The following TMEM181 variants were observed in gnomAD, a reference collection of about 807,000 sequenced individuals.
The protein encoded by TMEM181 is transmembrane protein 181, also known as G protein-coupled receptor 178.
Under a neutral mutation model 71.9 loss-of-function variants are expected in TMEM181, and 39 were observed. That is an observed-to-expected ratio of 0.54 (90% confidence interval 0.42 to 0.71). The LOEUF is 0.71. Among genes scored for constraint, TMEM181 ranks in the 30% least tolerant of loss-of-function variants. The pLI is 0.00. For synonymous variants in TMEM181, 245 were observed against 228.8 expected, an observed-to-expected ratio of 1.07 and a Z score of -0.64; for missense variants, 595 against 583.0, an observed-to-expected ratio of 1.02 and a Z score of -0.21.
chr6:158,629,607 C>T (rs922947303), intron 14 of TMEM181, 123 bp from the exon 15 acceptor site: 27 of 775,708 alleles, frequency 3.5e-5, no homozygotes, highest in Non-Finnish European at 5.5e-5. Flanking sequence ...TAATGGACCC[C>T]CGGGCACTGG....
At position 158,608,728 on chromosome 6, in the gene TMEM181, G is replaced by T. The variant is rs753090759; in HGVS notation, c.874G>T (p.Val292Phe). The T allele has an allele frequency of 1.9e-6, 3 of 1,613,358 alleles. No individual in the cohort carries two copies. The East Asian group carries it at 6.7e-5, about 36-fold the overall frequency. The change falls in exon 10 of 17, where the codon GTT (valine) becomes TTT (phenylalanine). Residue 292 changes from valine (V) to phenylalanine (F), a missense_variant. Physicochemically the swap from Val to Phe is conservative, Grantham distance 50 (BLOSUM62 -1). Transcript: ENST00000684151. ...TGTTGGACTATTGTGGTTGGCTTCT[G>T]TTACGCTAGGAATATGGCAAACGTG... ...FIVGLLWLAS[V>F]TLGIWQTVNE... is the part of the protein sequence containing the mutation.
intron 1 of TMEM181, among the ~76,000 whole-genome samples, chr6:158,563,787 T>G (rs560321289): frequency 6.6e-6 from 1 of 152,350 alleles, no homozygotes; most frequent in Non-Finnish European, 1.5e-5. Flanking sequence ...GGTTAGGCCT[T>G]GAATGTTCAC....
intron 1 of TMEM181, among the ~76,000 whole-genome samples, chr6:158,546,946 C>T (rs531505010): frequency 1.4e-4 from 21 of 150,092 alleles, no homozygotes; most frequent in East Asian, 2.0e-4. Flanking sequence ...GGCGACACAG[C>T]GAGACTCCAT....
At chr6:158,597,904 T>TG (rs1272087400) in intron 6 of TMEM181, among the ~76,000 whole-genome samples, 1 of 152,132 alleles carries the variant, frequency 6.6e-6, no homozygotes, top group Non-Finnish European at 1.5e-5. Flanking sequence ...ACCACCATAA[T>TG]GGGGGCTAAG....
At chr6:158,579,820 A>G (rs886541843) in intron 2 of TMEM181, among the ~76,000 whole-genome samples, 6 of 152,216 alleles carry the variant, frequency 3.9e-5, no homozygotes, top group Non-Finnish European at 8.8e-5. Context: ...AAGCCATTGG[A>G]AAAAAGATAA....
In TMEM181 at chr6:158,585,307, C is replaced by A. The variant is rs372779214; in HGVS notation, c.263C>A (p.Thr88Asn). The A allele has an allele frequency of 1.1e-5, 18 of 1,598,814 alleles. No homozygotes were observed. Among genetic ancestry groups the A allele is most frequent in the Non-Finnish European group, 1.4e-5 (16 of 1,174,582 alleles). The change falls in exon 5 of 17, where the codon ACT (threonine) becomes AAT (asparagine). Residue 88 changes from threonine to asparagine, a missense_variant. Coordinates refer to ENST00000684151, the MANE Select transcript of TMEM181 (RefSeq NM_001376852.1). ...ACTGAATTTTTTTCTTTTGTAGAAA[C>A]TTCTATTAAGACAAGCTTTCCCATG... ...CVVELDQSKE[T>N]SIKTSFPMTV...
rs574462216 is a variant in TMEM181, at chr6:158,616,092, G to A, written c.896+7342G>A. 4.9e-4 allele frequency among the ~76,000 whole-genome samples: 74 copies of A among 152,186 alleles called. 1 individual carries two copies. Among genetic ancestry groups the A allele is most frequent in the African/African-American group, 1.5e-3 (62 of 41,516 alleles). On this transcript the variant is annotated intron_variant, in intron 10 of 16. Transcript: ENST00000684151. Reference sequence around the variant, plus strand: ...CCTTGGGCAGTATGGCCATTTTCACGATATTGATTCTTCCTATCCATGAGC... The same window carrying A: ...CCTTGGGCAGTATGGCCATTTTCACAATATTGATTCTTCCTATCCATGAGC...
chr6:158,540,831 G>T (rs946792491), intron 1 of TMEM181, among the ~76,000 whole-genome samples: 3 of 152,100 alleles, frequency 2.0e-5, no homozygotes, highest in African/African-American at 4.8e-5. Flanking sequence ...GCAGTGGTGT[G>T]GTCATGGCTC....
chr6:158,570,381 C>T (rs142086375), intron 1 of TMEM181, among the ~76,000 whole-genome samples: 3,668 of 151,914 alleles, frequency 0.024, 162 homozygotes, highest in African/African-American at 0.084. Context: ...TACAGGTGCC[C>T]GCCACAAAGC....
chr6:158,599,073 G>T (rs1354714986), intron 6 of TMEM181, among the ~76,000 whole-genome samples: 1 of 152,232 alleles, frequency 6.6e-6, no homozygotes, highest in Non-Finnish European at 1.5e-5. Context: ...CCCTCCCGCG[G>T]TCTGTTTCTG....
chr6:158,608,213 G>A, intron 8 of TMEM181, 120 bp from the exon 9 acceptor site: 1 of 708,350 alleles, frequency 1.4e-6, no homozygotes, highest in Non-Finnish European at 1.9e-6. Context: ...GCCAGGTGCT[G>A]ACCCCGCAGA....
At chr6:158,617,189 G>A (rs1785662863) in intron 10 of TMEM181, among the ~76,000 whole-genome samples, 1 of 152,082 alleles carries the variant, frequency 6.6e-6, no homozygotes, top group African/African-American at 2.4e-5. Flanking sequence ...AAGAGATTCA[G>A]CTTCTTCCTG....
chr6:158,585,522 G>C (rs962486139), intron 5 of TMEM181, 97 bp downstream of exon 5: 4 of 1,307,606 alleles, frequency 3.1e-6, no homozygotes, highest in Non-Finnish European at 3.9e-6. Flanking sequence ...ATGGTAAGAG[G>C]CTTCGAGAAA....
At chr6:158,551,546 G>A (rs914795376) in intron 1 of TMEM181, among the ~76,000 whole-genome samples, 1 of 152,092 alleles carries the variant, frequency 6.6e-6, no homozygotes, top group Non-Finnish European at 1.5e-5. Flanking sequence ...TATTATAATC[G>A]GGAATTGCCA....
At chr6:158,589,569 T>C in intron 5 of TMEM181, 103 bp from the exon 6 acceptor site, 3 of 815,740 alleles carry the variant, frequency 3.7e-6, no homozygotes, top group East Asian at 5.2e-5. Context: ...CTGGAGACAA[T>C]GAGTTCTGCC....
intron 1 of TMEM181, among the ~76,000 whole-genome samples, chr6:158,539,476 C>T (rs1781257141): frequency 6.6e-6 from 1 of 152,190 alleles, no homozygotes; most frequent in South Asian, 2.1e-4. Context: ...TCACCGTCTT[C>T]ATTTCCTTAT....
chr6:158,604,637 C>G (rs2128314468), intron 6 of TMEM181, among the ~76,000 whole-genome samples: 1 of 152,346 alleles, frequency 6.6e-6, no homozygotes, highest in South Asian at 2.1e-4. Flanking sequence ...CTGCAGCTCA[C>G]TCTTCTGCTT....
At chr6:158,594,264 A>G (rs975730577) in intron 6 of TMEM181, among the ~76,000 whole-genome samples, 2 of 151,726 alleles carry the variant, frequency 1.3e-5, no homozygotes, top group African/African-American at 2.4e-5. Flanking sequence ...ATGCGTGGCT[A>G]ATTTTTGTAT....
chr6:158,622,968 A>G (rs1371791323), intron 10 of TMEM181, among the ~76,000 whole-genome samples: 1 of 152,166 alleles, frequency 6.6e-6, no homozygotes, highest in Non-Finnish European at 1.5e-5. Flanking sequence ...CCCACAGCAG[A>G]AGCCTAGTGT....
Sources: gnomAD v4.1 joint callset for allele counts (sites outside exome capture counted in the v4.1 genomes callset) on GRCh38, gnomAD v4.1.1 for gene constraint, MANE v1.5 for transcripts, NCBI Gene and HGNC (gene_info 2026-07-23, HGNC 2026-07-21) for gene names.